The following JARID2 variants were observed in gnomAD, a reference collection of about 807,000 sequenced individuals.
JARID2 encodes jumonji and AT-rich interaction domain containing 2.
A neutral mutation model predicts 125.6 loss-of-function variants in JARID2; 21 were observed. The ratio of observed to expected loss-of-function variants is 0.17; its 90% CI spans 0.12 to 0.24. The LOEUF (loss-of-function observed/expected upper bound fraction) is 0.24. JARID2 is among the 10% of genes least tolerant of loss of function. The pLI is 1.00. For synonymous variants in JARID2, 736 were observed against 661.6 expected (o/e 1.11, Z -1.73); for missense variants, 1,303 against 1,639.6 (o/e 0.79, Z 3.55).
At chr6:15,285,694 C>T (rs560398362) in intron 1 of JARID2, among the ~76,000 whole-genome samples, 4 of 152,104 alleles carry the variant, frequency 2.6e-5, no homozygotes, top group South Asian at 2.1e-4. Context: ...CCCCAATAAA[C>T]GAGGTTAGAG....
intron 3 of JARID2, among the ~76,000 whole-genome samples, chr6:15,442,282 T>C (rs1767480816): frequency 6.6e-6 from 1 of 152,166 alleles, no homozygotes; most frequent in Non-Finnish European, 1.5e-5. Context: ...AAAAACTAAA[T>C]AGGGAATCCC....
intron 1 of JARID2, among the ~76,000 whole-genome samples, chr6:15,355,578 CTT>C (rs889236748): frequency 1.2e-4 from 18 of 150,472 alleles, no homozygotes; most frequent in African/African-American, 4.4e-4. Context: ...AGTTCATAGA[CTT>C]TTAGTCCTTA....
intron 1 of JARID2, among the ~76,000 whole-genome samples, chr6:15,329,087 A>T (rs1762622131): frequency 6.6e-6 from 1 of 152,224 alleles, no homozygotes; most frequent in African/African-American, 2.4e-5. Context: ...AAGGAAACAA[A>T]GTAGGTCAGA....
intron 1 of JARID2, among the ~76,000 whole-genome samples, chr6:15,320,988 A>G (rs1487078193): frequency 6.6e-6 from 1 of 151,852 alleles, no homozygotes; most frequent in South Asian, 2.1e-4. Flanking sequence ...TTAGAATTCA[A>G]ATTTGGGGAT....
intron 4 of JARID2, among the ~76,000 whole-genome samples, chr6:15,464,473 C>T (rs1768612051): frequency 6.6e-6 from 1 of 152,180 alleles, no homozygotes; most frequent in South Asian, 2.1e-4. Flanking sequence ...AGTGCTCCCC[C>T]TGGTGGATGG....
intron 2 of JARID2, among the ~76,000 whole-genome samples, chr6:15,408,890 C>A (rs1368685808): frequency 6.6e-6 from 1 of 152,128 alleles, no homozygotes; most frequent in African/African-American, 2.4e-5. Flanking sequence ...TGCAGACTCC[C>A]AGCATTTTCT....
chr6:15,497,433 G>A (rs1770507412), intron 7 of JARID2, among the ~76,000 whole-genome samples: 2 of 152,058 alleles, frequency 1.3e-5, no homozygotes, highest in Admixed American at 6.5e-5. Flanking sequence ...AGGCTGAGGC[G>A]GGCAGATCAT....
intron 12 of JARID2, chr6:15,509,228 C>A: frequency 1.7e-6 from 2 of 1,209,132 alleles, no homozygotes; most frequent in East Asian, 5.8e-5. Flanking sequence ...TTGTTTACGG[C>A]GGCAGATGGG....
At chr6:15,460,750 G>C (rs951820695) in intron 4 of JARID2, among the ~76,000 whole-genome samples, 1 of 152,206 alleles carries the variant, frequency 6.6e-6, no homozygotes, top group Non-Finnish European at 1.5e-5. Flanking sequence ...TGTCACCCAG[G>C]CTGGAGTGCA....
chr6:15,374,341 T>A, intron 2 of JARID2, 89 bp downstream of exon 2: 1 of 1,414,356 alleles, frequency 7.1e-7, no homozygotes, highest in Non-Finnish European at 9.8e-7. Flanking sequence ...TGGCAGCTTG[T>A]GCTTCCTGGT....
At chr6:15,289,175 A>C (rs766271195) in intron 1 of JARID2, among the ~76,000 whole-genome samples, 10 of 152,186 alleles carry the variant, frequency 6.6e-5, no homozygotes, top group Non-Finnish European at 1.3e-4. Flanking sequence ...GGGTAAGTCC[A>C]AGGGAAGCAT....
In JARID2 at chr6:15,475,576, A is replaced by C. The variant is rs1354099657; in HGVS notation, c.670+6858A>C. On this transcript the variant is annotated intron_variant, in intron 5 of 17. Coordinates refer to ENST00000341776, the MANE Select transcript of JARID2 (RefSeq NM_004973.4). ...ATTGTGCCATGAGACAAGGCACCTG[A>C]GCCAGGCCGTGCTGCACCTGCGACC... 2.0e-5 allele frequency among the ~76,000 whole-genome samples: 3 copies of C among 152,214 alleles called. No individual in the cohort carries two copies. In the East Asian group the frequency reaches 5.8e-4, roughly 29 times the overall value.
intron 3 of JARID2, among the ~76,000 whole-genome samples, chr6:15,422,318 T>C (rs757399221): frequency 6.6e-6 from 1 of 152,216 alleles, no homozygotes; most frequent in South Asian, 2.1e-4. Context: ...CACATCACAG[T>C]GCTTGCTTGT....
At chr6:15,458,585 T>G (rs1768299825) in intron 4 of JARID2, among the ~76,000 whole-genome samples, 1 of 152,224 alleles carries the variant, frequency 6.6e-6, no homozygotes, top group Non-Finnish European at 1.5e-5. Flanking sequence ...TTTTGTATGC[T>G]AGACACCTAG....
intron 2 of JARID2, among the ~76,000 whole-genome samples, chr6:15,406,020 C>G (rs758074067): frequency 6.8e-6 from 1 of 147,026 alleles, no homozygotes; most frequent in Non-Finnish European, 1.5e-5. Flanking sequence ...TGTAGGCTGT[C>G]TGACTATTAA....
intron 3 of JARID2, among the ~76,000 whole-genome samples, chr6:15,437,745 A>G (rs1356174328): frequency 6.6e-6 from 1 of 152,004 alleles, no homozygotes; most frequent in Admixed American, 6.5e-5. Context: ...CGGAGGTTGC[A>G]GTGAGCTGAG....
chr6:15,295,369 C>T (rs1320651539), intron 1 of JARID2, among the ~76,000 whole-genome samples: 1 of 152,126 alleles, frequency 6.6e-6, no homozygotes, highest in East Asian at 1.9e-4. Context: ...GATCCGCCTG[C>T]CTCAGCCTCT....
At position 15,264,640 on chromosome 6, in the gene JARID2, TGA is replaced by T. The variant is rs775697374; in HGVS notation, c.45+18069_45+18070del. Among the ~76,000 whole-genome samples the T allele has an allele frequency of 4.7e-3, 714 of 150,386 alleles. 6 individuals are homozygous for T. The highest frequency in any genetic ancestry group is 0.015 in the Admixed American group (224 of 15,066). Reference sequence around the variant, plus strand: ...GTGTGTGTGTGTGTGTGTGTGTGTGTGAGAGAGAGAGAGATAGAGAGAGAGAG... The same window carrying T: ...GTGTGTGTGTGTGTGTGTGTGTGTGTGAGAGAGAGAGATAGAGAGAGAGAG... On this transcript the variant is annotated intron_variant, in intron 1 of 17. Coordinates refer to ENST00000341776, the MANE Select transcript of JARID2 (RefSeq NM_004973.4).
intron 1 of JARID2, among the ~76,000 whole-genome samples, chr6:15,263,680 C>T (rs1268521851): frequency 6.6e-6 from 1 of 151,620 alleles, no homozygotes; most frequent in East Asian, 1.9e-4. Context: ...GCAACCTCCG[C>T]CTTCCGGATT....
Sources: allele counts gnomAD v4.1 joint callset (sites outside exome capture counted in the v4.1 genomes callset), GRCh38; gene constraint gnomAD v4.1.1; transcripts MANE v1.5; gene names NCBI Gene and HGNC (gene_info 2026-07-23, HGNC 2026-07-21).